The following SUCLA2 variants were observed in gnomAD, a reference collection of about 807,000 sequenced individuals.
SUCLA2 encodes the protein succinate-CoA ligase ADP-forming subunit beta.
SUCLA2 carries 30 observed loss-of-function variants against 54.8 expected under a neutral mutation model. The ratio of observed to expected loss-of-function variants is 0.55; its 90% confidence interval spans 0.41 to 0.74. The LOEUF (loss-of-function observed/expected upper bound fraction) is 0.74, where lower values mean the gene tolerates loss of function less well. SUCLA2 is among the 30% of genes least tolerant of loss of function. The pLI is 0.00. For missense variants in SUCLA2, 476 were observed against 562.9 expected, an observed-to-expected ratio of 0.85 and a Z score of 1.56; for synonymous variants, 172 against 188.9, an observed-to-expected ratio of 0.91 and a Z score of 0.74.
intron 5 of SUCLA2, among the ~76,000 whole-genome samples, 184 bp downstream of exon 5, chr13:47,973,080 A>G (rs1405031458): frequency 6.6e-6 from 1 of 152,170 alleles, no homozygotes; most frequent in East Asian, 1.9e-4. Context: ...CCACATTGAA[A>G]TATTTATAGA....
At chr13:47,962,740 C>T (rs1949880938) in intron 6 of SUCLA2, among the ~76,000 whole-genome samples, 2 of 152,170 alleles carry the variant, frequency 1.3e-5, no homozygotes, top group Non-Finnish European at 2.9e-5. Flanking sequence ...GACTGGATTC[C>T]TCATGATTGA....
chr13:47,972,512 C>G (rs1419139159), intron 5 of SUCLA2, among the ~76,000 whole-genome samples: 1 of 150,580 alleles, frequency 6.6e-6, no homozygotes, highest in Non-Finnish European at 1.5e-5. Context: ...CTACTAAAAA[C>G]AAAAAAATTA....
rs191162634 is a variant in SUCLA2, at chr13:47,979,807, C to T, written c.535-6415G>A. Among the ~76,000 whole-genome samples the T allele has an allele frequency of 2.4e-3, 358 of 152,102 alleles. 3 individuals carry two copies. The highest frequency in any genetic ancestry group is 6.6e-4 in the Non-Finnish European group (45 of 67,984). ...GAAAACAGGTAAGAAAAATAAAAAG[C>T]ATCCAAAGAGAAAAGGAAAGGTAAA... On this transcript the variant is annotated intron_variant, in intron 4 of 10. Coordinates refer to ENST00000646932, the MANE Select transcript of SUCLA2 (RefSeq NM_003850.3).
At chr13:47,966,975 G>C (rs981394791) in intron 6 of SUCLA2, among the ~76,000 whole-genome samples, 30 of 152,254 alleles carry the variant, frequency 2.0e-4, no homozygotes, top group South Asian at 8.3e-4. Flanking sequence ...AGCTGTGATT[G>C]TGTCAGCGTA....
In SUCLA2 at chr13:47,988,918, T is replaced by G. The variant is rs773802780; in HGVS notation, c.335A>C (p.Glu112Ala). Residue 112 changes from glutamate (E) to alanine (A), a missense_variant, in exon 3 of 11, where the codon GAA becomes GCA. By Grantham distance (107) the Glu-to-Ala change is moderately radical. Transcript: ENST00000646932. Reference sequence around the variant, plus strand: ...CTTCACTCCTCCTTTGAGGCCACTTTCAAATGTTCCTTTTCCTCTACCACC... The same window carrying G: ...CTTCACTCCTCCTTTGAGGCCACTTGCAAATGTTCCTTTTCCTCTACCACC... ...LAGGRGKGTFESGLKGGVKIV... is the reference protein window; with the variant it reads ...LAGGRGKGTFASGLKGGVKIV... 6.2e-7 allele frequency: 1 copy of G among 1,613,396 alleles called. No individual in the cohort carries two copies. The highest frequency in any genetic ancestry group is 1.1e-5 in the South Asian group (1 of 91,056).
Position 47,949,538 on chromosome 13 carries a change from T to C in SUCLA2, c.1173A>G (p.Ile391Met). 1 of 1,613,582 alleles carries C rather than the reference T, an allele frequency of 6.2e-7. No homozygotes were observed. Among genetic ancestry groups the C allele is most frequent in the Non-Finnish European group, 8.5e-7 (1 of 1,179,630 alleles). ...IMRCDVIAQGIVMAVKDLEIK... is the reference protein window; with the variant it reads ...IMRCDVIAQGMVMAVKDLEIK... ...TTTCCAAGTCTTTTACTGCCATGAC[T>C]ATACCCTGTGCAATAACATCACAGC... Residue 391 changes from isoleucine to methionine, a missense_variant, in exon 9 of 11, where the codon ATA (isoleucine) becomes ATG (methionine). By Grantham distance (10) the Ile-to-Met change is conservative. Around this residue, in one of 2 missense-constraint regions of SUCLA2, gnomAD observed 342 missense variants for 444.2 expected, o/e 0.77. Coordinates refer to ENST00000646932, the MANE Select transcript of SUCLA2 (RefSeq NM_003850.3).
intron 8 of SUCLA2, among the ~76,000 whole-genome samples, chr13:47,951,641 A>G (rs9534882): frequency 0.73 from 110,813 of 151,974 alleles, 41,368 homozygotes; most frequent in Non-Finnish European, 0.82. Flanking sequence ...CTTAGCAGTC[A>G]GCCTCATACC....
rs1300486540 is a variant in SUCLA2 at position 47,943,766 on chromosome 13, G to GTGTGTGTGTATA, written c.1318-322_1318-321insTATACACACACA. On this transcript the variant is annotated intron_variant, in intron 10 of 10. Transcript: ENST00000646932. Reference sequence around the variant, plus strand: ...TGTATGTGTGTGTGTGTGTGTGTGTGTATATATATATATATTATTCTAAAT... The same window carrying GTGTGTGTGTATA: ...TGTATGTGTGTGTGTGTGTGTGTGTGTGTGTGTGTATATATATATATATATATTATTCTAAAT... Among the ~76,000 whole-genome samples, 70 of 139,662 alleles carry GTGTGTGTGTATA rather than the reference G, an allele frequency of 5.0e-4. 1 individual carries two copies. Among genetic ancestry groups the GTGTGTGTGTATA allele is most frequent in the African/African-American group, 1.9e-3 (69 of 37,272 alleles). 91.6% of individuals were successfully genotyped at this position (139,662 alleles called of 152,430 possible).
Position 48,001,239 on chromosome 13 carries a change from C to T in SUCLA2, c.31G>A (p.Val11Met). 6.2e-7 allele frequency: 1 copy of T among 1,604,994 alleles called. No homozygotes were observed. The highest frequency in any genetic ancestry group is 2.3e-5 in the East Asian group (1 of 44,440). ...TGGTTCCGAAGGGTGGCCACGGCCACTAGCCTGCCGTAGAACATGGAGGCC... is the reference window on the plus strand; with the variant it reads ...TGGTTCCGAAGGGTGGCCACGGCCATTAGCCTGCCGTAGAACATGGAGGCC... Reference protein sequence around the residue: MAASMFYGRLVAVATLRNHRP... With the variant: MAASMFYGRLMAVATLRNHRP... The change falls in exon 1 of 11, where the codon GTG becomes ATG. Residue 11 changes from valine (V) to methionine (M), a missense_variant. Physicochemically the swap from Val to Met is conservative, Grantham distance 21. This residue lies in a region of SUCLA2 where 134 missense variants were observed against 118.7 expected (regional missense o/e 1.13). Coordinates refer to ENST00000646932, the MANE Select transcript of SUCLA2 (RefSeq NM_003850.3).
At chr13:47,973,200 G>A (rs914555019) in intron 5 of SUCLA2, 64 bp downstream of exon 5, 43 of 1,387,092 alleles carry the variant, frequency 3.1e-5, no homozygotes, top group Middle Eastern at 2.5e-4. Flanking sequence ...TCAGTTGTAC[G>A]GTTATCTTTA....
Position 47,988,521 on chromosome 13 carries a change from T to C in SUCLA2, c.534+20A>G, listed in dbSNP as rs2137742870. 5.6e-6 allele frequency: 9 copies of C among 1,612,466 alleles called. No individual in the cohort carries two copies. Among genetic ancestry groups the C allele is most frequent in the Non-Finnish European group, 7.6e-6 (9 of 1,179,044 alleles). The stretch of plus-strand genomic sequence containing the variant: ...ATGTCATAAATTTATCCCGTATGTA[T>C]CATGTCTACAATTACTCACTTGAAA... On this transcript the variant is annotated intron_variant, in intron 4 of 10. Coordinates refer to ENST00000646932, the MANE Select transcript of SUCLA2 (RefSeq NM_003850.3).
intron 2 of SUCLA2, among the ~76,000 whole-genome samples, chr13:47,992,981 G>A (rs1353397039): frequency 6.6e-6 from 1 of 152,208 alleles, no homozygotes; most frequent in Non-Finnish European, 1.5e-5. Context: ...TGTAGTCCCA[G>A]CACTTTGGGA....
intron 1 of SUCLA2, 127 bp from the exon 2 acceptor site, chr13:47,997,150 C>A: frequency 1.0e-6 from 1 of 976,004 alleles, no homozygotes; most frequent in Admixed American, 2.0e-5. Context: ...TTCAGAGTAC[C>A]TGAATTACAG....
intron 4 of SUCLA2, among the ~76,000 whole-genome samples, chr13:47,983,419 A>G (rs901158798): frequency 1.3e-5 from 2 of 152,142 alleles, no homozygotes; most frequent in African/African-American, 4.8e-5. Flanking sequence ...ATATAATTTT[A>G]TTCAACAGGA....
At chr13:47,945,330 C>G (rs1593474814) in intron 10 of SUCLA2, among the ~76,000 whole-genome samples, 1 of 130,250 alleles carries the variant, frequency 7.7e-6, no homozygotes, top group South Asian at 2.5e-4. Context: ...GGCTGAGACA[C>G]AAGAATTGCT....
chr13:47,958,114 G>A lies in SUCLA2; in HGVS notation c.803-3557C>T, dbSNP rs142312346. 3.0e-3 allele frequency among the ~76,000 whole-genome samples: 450 copies of A among 152,274 alleles called. 2 individuals carry two copies. Among genetic ancestry groups the A allele is most frequent in the African/African-American group, 0.01 (429 of 41,534 alleles). On this transcript the variant is annotated intron_variant, in intron 6 of 10. Transcript: ENST00000646932. The stretch of plus-strand genomic sequence containing the variant: ...GCTACGCTAAGCAGGGTTGAGCCTG[G>A]TTAGTATGTGATGTTCTCCTTTGCT...
intron 4 of SUCLA2, among the ~76,000 whole-genome samples, chr13:47,981,964 G>C (rs908552596): frequency 1.3e-5 from 2 of 152,156 alleles, no homozygotes; most frequent in African/African-American, 4.8e-5. Flanking sequence ...CAGCCTGGGA[G>C]ACATAGCGAG....
rs144393268 is a variant in SUCLA2 at position 47,968,712 on chromosome 13, G to A, written c.685C>T (p.Pro229Ser). The change falls in exon 6 of 11, where the codon CCA becomes TCA. Residue 229 changes from proline to serine, a missense_variant. Pro to Ser is a moderately conservative substitution (Grantham distance 74). Transcript: ENST00000646932. ...GCTGCTGATTCCACAATATTAGGTG[G>A]AAATCCCATCTTCTGTGCAAGCTGA... Reference protein sequence around the residue: ...ALQLAQKMGFPPNIVESAAEN... With the variant: ...ALQLAQKMGFSPNIVESAAEN... 6.2e-7 allele frequency: 1 copy of A among 1,612,342 alleles called. No individual in the cohort carries two copies. Among genetic ancestry groups the A allele is most frequent in the Non-Finnish European group, 8.5e-7 (1 of 1,179,890 alleles).
rs1216559892 is a variant in SUCLA2, at chr13:47,973,384, T to A, written c.543A>T (p.Val181=). 1 of 1,613,442 alleles carries A rather than the reference T, an allele frequency of 6.2e-7. No individual in the cohort carries two copies. The highest frequency in any genetic ancestry group is 8.5e-7 in the Non-Finnish European group (1 of 1,179,872). Residue 181 remains valine, a synonymous_variant, in exon 5 of 11, where the codon GTA becomes GTT. Transcript: ENST00000646932. ...CACCACCATGTGAACTTCCTATTAA[T>A]ACAGGACCCTGGCAAGGGAAGTAAA... ...ITMERSFQGP[V]LIGSSHGGVN... is the part of the protein sequence containing the mutation.
Sources: allele counts gnomAD v4.1 joint callset (sites outside exome capture counted in the v4.1 genomes callset), GRCh38; gene constraint gnomAD v4.1.1; regional missense constraint gnomAD v4.1.1; transcripts MANE v1.5; gene names NCBI Gene and HGNC (gene_info 2026-07-23, HGNC 2026-07-21).